The following MPRIP variants were observed in gnomAD, a reference collection of about 807,000 sequenced individuals.
MPRIP encodes the protein myosin phosphatase Rho-interacting protein.
A neutral mutation model predicts 234.9 loss-of-function variants in MPRIP; 59 were observed. That is an observed-to-expected ratio of 0.25 (90% confidence interval 0.20 to 0.31). The LOEUF (loss-of-function observed/expected upper bound fraction) is 0.31. MPRIP is among the 10% of genes least tolerant of loss of function. MPRIP has a pLI of 1.00. For missense variants in MPRIP, 2,436 were observed against 3,071.0 expected (o/e 0.79, Z 4.89); for synonymous variants, 1,144 against 1,263.9 (o/e 0.91, Z 2.01).
At chr17:17,116,943 G>C (rs2090297263) in intron 3 of MPRIP, among the ~76,000 whole-genome samples, 1 of 152,140 alleles carries the variant, frequency 6.6e-6, no homozygotes. Context: ...CCTTCGGCTT[G>C]GTCCATTGTT....
At chr17:17,049,820 G>C (rs890635914) in intron 1 of MPRIP, among the ~76,000 whole-genome samples, 2 of 152,186 alleles carry the variant, frequency 1.3e-5, no homozygotes, top group African/African-American at 4.8e-5. Context: ...CCACCCCTCA[G>C]ACCAGCCCTG....
Position 17,167,980 on chromosome 17 carries a change from T to A in MPRIP, c.6324+65T>A, listed in dbSNP as rs942693007. ...TGATAATGGGGTGGGTGTGGGGACGTCTGGCTCAGCTACCGTGCAGGCAGA... is the reference window on the plus strand; with the variant it reads ...TGATAATGGGGTGGGTGTGGGGACGACTGGCTCAGCTACCGTGCAGGCAGA... On this transcript the variant is annotated intron_variant, in intron 16 of 23. Coordinates refer to ENST00000651222, the MANE Select transcript of MPRIP (RefSeq NM_001364716.4). The surrounding 1 kb of genome is among the most constrained non-coding windows in gnomAD (Gnocchi z 5.9). 2.5e-6 allele frequency: 3 copies of A among 1,201,438 alleles called. No homozygotes were observed. In the African/African-American group the frequency reaches 4.7e-5, roughly 19 times the overall value. The allele number at this position is 1,201,438 out of a possible 1,614,324, so 74.4% of individuals were successfully genotyped here.
chr17:17,129,878 G>C (rs2090563058), intron 4 of MPRIP, among the ~76,000 whole-genome samples: 1 of 152,246 alleles, frequency 6.6e-6, no homozygotes, highest in Non-Finnish European at 1.5e-5. Context: ...AGCTGCCATG[G>C]CAGACTGGAA....
At chr17:17,141,054 G>A (rs2090805075) in intron 7 of MPRIP, among the ~76,000 whole-genome samples, 1 of 152,198 alleles carries the variant, frequency 6.6e-6, no homozygotes, top group African/African-American at 2.4e-5. Context: ...CATGCAGAGT[G>A]ACTGTAGCAA....
intron 3 of MPRIP, among the ~76,000 whole-genome samples, chr17:17,081,011 C>T (rs184641903): frequency 2.2e-4 from 34 of 152,236 alleles, no homozygotes; most frequent in Middle Eastern, 3.4e-3. Context: ...GCCCTCAGAC[C>T]GTGATGTTGC....
chr17:17,088,551 G>A (rs1026636465), intron 3 of MPRIP, among the ~76,000 whole-genome samples: 4 of 152,178 alleles, frequency 2.6e-5, no homozygotes, highest in Non-Finnish European at 4.4e-5. Context: ...GTGTCTTCAC[G>A]TGTTTGTGCA....
intron 22 of MPRIP, among the ~76,000 whole-genome samples, chr17:17,179,404 T>A (rs2046325657): frequency 6.7e-6 from 1 of 149,902 alleles, no homozygotes; most frequent in Non-Finnish European, 1.5e-5. Flanking sequence ...CTGCTGAGTT[T>A]GTGCCACTGC....
chr17:17,142,618 C>T lies in MPRIP; in HGVS notation c.1251-9C>T. 2 of 1,610,926 alleles carry T rather than the reference C, an allele frequency of 1.2e-6. No individual in the cohort carries two copies. Among genetic ancestry groups the T allele is most frequent in the East Asian group, 2.2e-5 (1 of 44,880 alleles). On this transcript the variant is annotated splice_polypyrimidine_tract_variant and intron_variant, in intron 7 of 23. Coordinates refer to ENST00000651222, the MANE Select transcript of MPRIP (RefSeq NM_001364716.4). Reference sequence around the variant, plus strand: ...CTGCCACCTCAGGGCCTCGTGTCCTCTCTTGCAGGAGGTCCCAGGTGATTG... The same window carrying T: ...CTGCCACCTCAGGGCCTCGTGTCCTTTCTTGCAGGAGGTCCCAGGTGATTG...
At chr17:17,081,282 C>T (rs545380578) in intron 3 of MPRIP, among the ~76,000 whole-genome samples, 53 of 152,254 alleles carry the variant, frequency 3.5e-4, no homozygotes, top group African/African-American at 1.3e-3. Context: ...TGGTGTGTCT[C>T]CCCATTGTCT....
At chr17:17,100,910 C>T (rs748833731) in intron 3 of MPRIP, among the ~76,000 whole-genome samples, 1 of 152,150 alleles carries the variant, frequency 6.6e-6, no homozygotes, top group Non-Finnish European at 1.5e-5. Flanking sequence ...GTTTGGGGAC[C>T]ACTGCATTAG....
At chr17:17,051,601 T>A (rs2088542998) in intron 1 of MPRIP, among the ~76,000 whole-genome samples, 2 of 152,224 alleles carry the variant, frequency 1.3e-5, no homozygotes, top group Admixed American at 6.5e-5. Context: ...TCGAAAACTC[T>A]GCCCTAGATT....
chr17:17,175,051 C>G (rs2046225304), intron 19 of MPRIP, among the ~76,000 whole-genome samples: 1 of 152,216 alleles, frequency 6.6e-6, no homozygotes, highest in South Asian at 2.1e-4. Flanking sequence ...TCAGGCAGGA[C>G]TGGGTCCACT....
Position 17,166,965 on chromosome 17 carries a change from C to T in MPRIP, c.5374C>T (p.Leu1792Phe). Residue 1792 changes from leucine (L) to phenylalanine (F), a missense_variant, in exon 16 of 24, where the codon CTC becomes TTC. Physicochemically the swap from Leu to Phe is conservative, Grantham distance 22 (BLOSUM62 0). Around this residue, in one of 4 missense-constraint regions of MPRIP, gnomAD observed 1,998 missense variants for 2,520.3 expected, o/e 0.79. Transcript: ENST00000651222. The surrounding 1 kb of genome is among the most constrained non-coding windows in gnomAD (Gnocchi z 4.4). ...LAQQLKEKAS[L>F]LEEIAAALPS... Reference sequence around the variant, plus strand: ...CCAGCAGCTGAAGGAGAAGGCCAGCCTCTTAGAGGAGATAGCGGCTGCCTT... The same window carrying T: ...CCAGCAGCTGAAGGAGAAGGCCAGCTTCTTAGAGGAGATAGCGGCTGCCTT... 4 of 1,304,190 alleles carry T rather than the reference C, an allele frequency of 3.1e-6. No individual in the cohort carries two copies. Among genetic ancestry groups the T allele is most frequent in the Non-Finnish European group, 4.0e-6 (4 of 988,946 alleles). The allele number at this position is 1,304,190 out of a possible 1,614,324, so 80.8% of individuals were successfully genotyped here. A position where few individuals can be genotyped will look rare whatever the true frequency, so the allele number is the denominator to read the frequency against.
intron 3 of MPRIP, among the ~76,000 whole-genome samples, chr17:17,110,714 T>C (rs751920342): frequency 4.6e-5 from 7 of 152,128 alleles, no homozygotes; most frequent in Admixed American, 3.3e-4. Context: ...CTTAAACACA[T>C]AACCACAGTC....
rs555732939 is a variant in MPRIP, at chr17:17,183,734, C to T, written c.7207-1089C>T. Among the ~76,000 whole-genome samples, 16 of 152,342 alleles carry T rather than the reference C, an allele frequency of 1.1e-4. No individual in the cohort carries two copies. The South Asian group carries it at 3.3e-3, about 32-fold the overall frequency. Reference sequence around the variant, plus strand: ...CCCATGCTCAGTCCCCAGTCTATCACACCAGAGTCTCCAGGACAGTGCCAG... The same window carrying T: ...CCCATGCTCAGTCCCCAGTCTATCATACCAGAGTCTCCAGGACAGTGCCAG... On this transcript the variant is annotated intron_variant, in intron 23 of 23. Transcript: ENST00000651222.
At chr17:17,125,469 C>A (rs1487669979) in intron 3 of MPRIP, among the ~76,000 whole-genome samples, 1 of 152,236 alleles carries the variant, frequency 6.6e-6, no homozygotes, top group Non-Finnish European at 1.5e-5. Context: ...AAGCCAGCAG[C>A]CCTCCGGTCT....
At position 17,165,635 on chromosome 17, in the gene MPRIP, C is replaced by T. The variant is rs569116589; in HGVS notation, c.4044C>T (p.Ser1348=). The T allele has an allele frequency of 1.8e-5, 23 of 1,304,910 alleles. No homozygotes were observed. The highest frequency in any genetic ancestry group is 1.7e-4 in the African/African-American group (11 of 66,000). 80.8% of individuals were successfully genotyped at this position (1,304,910 alleles called of 1,614,324 possible). The change falls in exon 16 of 24, where the codon TCC becomes TCT. Residue 1348 remains serine, a synonymous_variant. Coordinates refer to ENST00000651222, the MANE Select transcript of MPRIP (RefSeq NM_001364716.4). ...SEKTWTSSTS[S]DTSQDRSPSE... ...AGACCTGGACCAGCAGCACATCTTC[C>T]GACACCAGCCAGGACCGGTCACCCT...
chr17:17,155,292 G>T (rs1203908918), intron 13 of MPRIP, among the ~76,000 whole-genome samples: 2 of 149,644 alleles, frequency 1.3e-5, no homozygotes, highest in Non-Finnish European at 3.0e-5. Flanking sequence ...TTGTTCTGTT[G>T]CCTAGGCTAG....
At chr17:17,118,966 G>A (rs1191130532) in intron 3 of MPRIP, among the ~76,000 whole-genome samples, 1 of 152,124 alleles carries the variant, frequency 6.6e-6, no homozygotes, top group African/African-American at 2.4e-5. Flanking sequence ...CTTGTGATTT[G>A]TTAGATCGGG....
Sources: allele counts gnomAD v4.1 joint callset (sites outside exome capture counted in the v4.1 genomes callset), GRCh38; gene constraint gnomAD v4.1.1; regional missense constraint gnomAD v4.1.1; non-coding constraint Gnocchi (gnomAD v3.1); transcripts MANE v1.5; gene names NCBI Gene and HGNC (gene_info 2026-07-23, HGNC 2026-07-21).